The following MAP3K1 variants were observed in gnomAD, a reference collection of about 807,000 sequenced individuals.
MAP3K1 encodes mitogen-activated protein kinase kinase kinase 1.
A neutral mutation model predicts 144.2 loss-of-function variants in MAP3K1; 36 were observed. The observed-to-expected ratio is 0.25, with a 90% CI of 0.19 to 0.33. The LOEUF (loss-of-function observed/expected upper bound fraction) is 0.33. Ranked by LOEUF, MAP3K1 falls within the 10% of genes least tolerant of loss-of-function variation. The pLI is 1.00. For synonymous variants in MAP3K1, 718 were observed against 688.7 expected (o/e 1.04, Z -0.67); for missense variants, 1,650 against 1,881.9 (o/e 0.88, Z 2.28).
intron 3 of MAP3K1, among the ~76,000 whole-genome samples, chr5:56,862,749 T>G (rs1747553914): frequency 6.6e-6 from 1 of 151,374 alleles, no homozygotes; most frequent in Admixed American, 6.6e-5. Context: ...AAATGACGTG[T>G]GCATGCATAA....
chr5:56,887,858 C>T, intron 18 of MAP3K1: 1 of 433,714 alleles, frequency 2.3e-6, no homozygotes, highest in African/African-American at 2.0e-5. Flanking sequence ...GATGAGCATA[C>T]AGAGGCAGCT....
intron 1 of MAP3K1, among the ~76,000 whole-genome samples, chr5:56,829,305 C>T (rs1044158694): frequency 3.3e-5 from 5 of 151,656 alleles, no homozygotes; most frequent in Admixed American, 6.6e-5. Flanking sequence ...ACTTCAGCCT[C>T]CTGCGTAGCT....
chr5:56,821,410 C>T (rs1329789953), intron 1 of MAP3K1, among the ~76,000 whole-genome samples: 3 of 152,182 alleles, frequency 2.0e-5, no homozygotes, highest in Admixed American at 1.3e-4. Context: ...TGCTTGGAGC[C>T]ACATGGGACA....
chr5:56,855,715 C>T (rs1002648503), intron 1 of MAP3K1, among the ~76,000 whole-genome samples: 1 of 152,110 alleles, frequency 6.6e-6, no homozygotes, highest in Non-Finnish European at 1.5e-5. Flanking sequence ...CTTTTCCTAT[C>T]AGTGTAGAAA....
intron 1 of MAP3K1, among the ~76,000 whole-genome samples, chr5:56,824,975 G>T (rs1323040103): frequency 6.6e-6 from 1 of 151,174 alleles, no homozygotes; most frequent in Non-Finnish European, 1.5e-5. Context: ...GAGTCTTAAA[G>T]ATATTTTTCT....
chr5:56,868,056 T>C (rs190457726), intron 6 of MAP3K1, among the ~76,000 whole-genome samples: 1 of 152,334 alleles, frequency 6.6e-6, no homozygotes, highest in East Asian at 1.9e-4. Context: ...TCGGAAGGAA[T>C]AAAAACTTCA....
At chr5:56,827,397 G>C (rs1746352177) in intron 1 of MAP3K1, among the ~76,000 whole-genome samples, 1 of 152,206 alleles carries the variant, frequency 6.6e-6, no homozygotes, top group Non-Finnish European at 1.5e-5. Context: ...AGACAGTCTG[G>C]GGTCACAAAT....
intron 6 of MAP3K1, among the ~76,000 whole-genome samples, chr5:56,866,702 T>C (rs937616989): frequency 6.6e-6 from 1 of 152,162 alleles, no homozygotes; most frequent in Non-Finnish European, 1.5e-5. Context: ...TATTAATCTG[T>C]TAAGTATTGT....
chr5:56,817,379 A>T (rs1746011092), intron 1 of MAP3K1, among the ~76,000 whole-genome samples: 1 of 152,228 alleles, frequency 6.6e-6, no homozygotes, highest in South Asian at 2.1e-4. Flanking sequence ...CGAATTTGAC[A>T]GTAGGAGTCC....
intron 3 of MAP3K1, among the ~76,000 whole-genome samples, chr5:56,862,515 T>A (rs754753261): frequency 6.6e-6 from 1 of 152,224 alleles, no homozygotes; most frequent in Non-Finnish European, 1.5e-5. Context: ...GCATATATGC[T>A]AGACAAAGTT....
Position 56,881,749 on chromosome 5 carries a change from C to T in MAP3K1, c.2549C>T (p.Thr850Ile). Residue 850 changes from threonine to isoleucine, a missense_variant, in exon 14 of 20, where the codon ACC becomes ATC. Thr to Ile is a moderately conservative substitution (Grantham distance 89). This residue lies in a region of MAP3K1 where 841 missense variants were observed against 886.5 expected (regional missense o/e 0.95). Coordinates refer to ENST00000399503, the MANE Select transcript of MAP3K1 (RefSeq NM_005921.2). ...MLSVSSSTHF[T>I]RMRRRLMAIA... ...AGTGTTTCCAGTTCCACTCACTTCACCAGGATGCGTCGCCGTTTGATGGCT... is the reference window on the plus strand; with the variant it reads ...AGTGTTTCCAGTTCCACTCACTTCATCAGGATGCGTCGCCGTTTGATGGCT... 6.2e-7 allele frequency: 1 copy of T among 1,614,124 alleles called. No individual in the cohort carries two copies. The highest frequency in any genetic ancestry group is 8.5e-7 in the Non-Finnish European group (1 of 1,180,008).
At chr5:56,865,025 A>G (rs1052985731) in intron 4 of MAP3K1, 91 bp downstream of exon 4, 7 of 1,192,892 alleles carry the variant, frequency 5.9e-6, no homozygotes, top group Non-Finnish European at 8.6e-6. Flanking sequence ...ATTTAGATCA[A>G]TTAATTCCCT....
intron 3 of MAP3K1, 24 bp downstream of exon 3, chr5:56,859,939 T>C (rs1178049847): frequency 3.2e-6 from 5 of 1,554,422 alleles, no homozygotes; most frequent in African/African-American, 1.4e-5. Context: ...ACAACAAATA[T>C]GTTAGTTTTT....
intron 14 of MAP3K1, among the ~76,000 whole-genome samples, chr5:56,883,260 A>G (rs1748282611): frequency 6.6e-6 from 1 of 152,252 alleles, no homozygotes; most frequent in South Asian, 2.1e-4. Flanking sequence ...ATTCAGAAGC[A>G]GAGTTTTCCA....
chr5:56,883,361 G>A (rs762056853), intron 14 of MAP3K1, among the ~76,000 whole-genome samples, 166 bp from the exon 15 acceptor site: 28 of 152,334 alleles, frequency 1.8e-4, no homozygotes, highest in Middle Eastern at 3.4e-3. Context: ...ATTGTATAAT[G>A]GTGATTACTT....
chr5:56,817,108 ATGTGTAAGGTAAT>A, intron 1 of MAP3K1: 2 of 985,340 alleles, frequency 2.0e-6, no homozygotes, highest in Non-Finnish European at 2.4e-6. Context: ...GAAGTACAGT[ATGTGTAAGGTAAT>A]TTAGACCAGC....
intron 1 of MAP3K1, among the ~76,000 whole-genome samples, chr5:56,840,979 G>A (rs564349400): frequency 4.0e-5 from 6 of 151,322 alleles, no homozygotes; most frequent in African/African-American, 9.7e-5. Context: ...GAGTTCAAGC[G>A]ATTCTCCTGC....
intron 18 of MAP3K1, chr5:56,887,969 C>T: frequency 1.9e-6 from 1 of 536,604 alleles, no homozygotes; most frequent in East Asian, 3.3e-5. Flanking sequence ...GATCTGTTGT[C>T]CTCTTGCCAC....
intron 9 of MAP3K1, among the ~76,000 whole-genome samples, chr5:56,874,701 G>T (rs990707641): frequency 6.6e-6 from 1 of 151,958 alleles, no homozygotes; most frequent in East Asian, 1.9e-4. Flanking sequence ...CAGAGTTGAG[G>T]TTTTCACAGT....
Sources: allele counts gnomAD v4.1 joint callset (sites outside exome capture counted in the v4.1 genomes callset), GRCh38; gene constraint gnomAD v4.1.1; regional missense constraint gnomAD v4.1.1; transcripts MANE v1.5; gene names NCBI Gene and HGNC (gene_info 2026-07-23, HGNC 2026-07-21).